PHC2: variants seen among roughly 807,000 people sequenced by gnomAD.
PHC2 encodes polyhomeotic homolog 2, also known as polyhomeotic-like protein 2.
PHC2 carries 29 observed loss-of-function variants against 87.4 expected under a neutral mutation model. That is an observed-to-expected ratio of 0.33 (90% confidence interval 0.25 to 0.45). PHC2 has a LOEUF of 0.45. PHC2 is among the 20% of genes least tolerant of loss of function. The pLI, the probability that PHC2 is intolerant of heterozygous loss-of-function variation, is 1.00. For synonymous variants in PHC2, 438 were observed against 461.7 expected (o/e 0.95, Z 0.66); for missense variants, 857 against 1,136.7 (o/e 0.75, Z 3.54).
chr1:33,325,684 C>T (rs1463366761), intron 14 of PHC2: 8 of 337,478 alleles, frequency 2.4e-5, no homozygotes, highest in South Asian at 8.9e-5. Context: ...CCGAGCCACT[C>T]GATTCCTGAC....
intron 1 of PHC2, among the ~76,000 whole-genome samples, chr1:33,412,793 T>C (rs1018172208): frequency 6.6e-6 from 1 of 152,208 alleles, no homozygotes; most frequent in African/African-American, 2.4e-5. Flanking sequence ...AGCATGGTTA[T>C]TGAAAAATTC....
At chr1:33,404,511 TTTC>T (rs1358157698) in intron 1 of PHC2, among the ~76,000 whole-genome samples, 1 of 152,234 alleles carries the variant, frequency 6.6e-6, no homozygotes, top group Non-Finnish European at 1.5e-5. Flanking sequence ...CTTTATGTAT[TTTC>T]TTGTCTCTTC....
chr1:33,377,872 A>C (rs1648265175), intron 1 of PHC2, among the ~76,000 whole-genome samples: 1 of 152,082 alleles, frequency 6.6e-6, no homozygotes, highest in Non-Finnish European at 1.5e-5. Context: ...GTGTGGGTAA[A>C]GTCTAAAAGA....
In PHC2 at chr1:33,355,095, C is replaced by G. The variant is rs767085287; in HGVS notation, c.1135G>C (p.Ala379Pro). 3 of 1,611,276 alleles carry G rather than the reference C, an allele frequency of 1.9e-6. No individual in the cohort carries two copies. Among genetic ancestry groups the G allele is most frequent in the Admixed American group, 1.7e-5 (1 of 59,600 alleles). The stretch of plus-strand genomic sequence containing the variant: ...AGGGCCACGCTTGGAGAGACTGAGG[C>G]GAGCTGGGGGTGGGGCTCAGCTTGG... ...VLQAEPHPQL[A>P]SVSPSVALQP... The change falls in exon 8 of 15, where the codon GCC becomes CCC. Residue 379 changes from alanine to proline, a missense_variant. Around this residue, in one of 3 missense-constraint regions of PHC2, gnomAD observed 832 missense variants for 1,081.8 expected, o/e 0.77. Transcript: ENST00000683057.
intron 1 of PHC2, among the ~76,000 whole-genome samples, chr1:33,405,042 A>C (rs1031777152): frequency 1.3e-5 from 2 of 152,206 alleles, no homozygotes; most frequent in African/African-American, 4.8e-5. Flanking sequence ...TACCCAGAGT[A>C]AGAAATTGGA....
intron 7 of PHC2, among the ~76,000 whole-genome samples, chr1:33,358,512 C>CA (rs377132873): frequency 1.1e-4 from 17 of 151,044 alleles, no homozygotes; most frequent in African/African-American, 2.2e-4. Context: ...TATCCTGGAT[C>CA]AAAAAAAAAT....
chr1:33,354,017 G>A (rs778836616), intron 9 of PHC2, among the ~76,000 whole-genome samples: 4 of 152,138 alleles, frequency 2.6e-5, no homozygotes, highest in Non-Finnish European at 5.9e-5. Flanking sequence ...TGTGGTAGCC[G>A]TTTTGCCATA....
chr1:33,332,020 A>G lies in PHC2; in HGVS notation c.1891+255T>C, dbSNP rs948170090. On this transcript the variant is annotated intron_variant, in intron 11 of 14. Transcript: ENST00000683057. The surrounding 1 kb of genome is among the most constrained non-coding windows in gnomAD (Gnocchi z 4.2). ...CTACAGTCATGCCTAAAACTTGCCA[A>G]TGATTCCCACAGGAAAAGCCATTCT... 1.3e-5 allele frequency among the ~76,000 whole-genome samples: 2 copies of G among 152,208 alleles called. No individual in the cohort carries two copies. The highest frequency in any genetic ancestry group is 4.8e-5 in the African/African-American group (2 of 41,458).
chr1:33,329,503 A>C (rs889106434), intron 13 of PHC2, among the ~76,000 whole-genome samples: 1 of 152,078 alleles, frequency 6.6e-6, no homozygotes, highest in Non-Finnish European at 1.5e-5. Flanking sequence ...AAAAAAAATA[A>C]GGCAAAATTA....
chr1:33,419,328 T>C (rs571638282), intron 1 of PHC2, among the ~76,000 whole-genome samples: 6 of 152,244 alleles, frequency 3.9e-5, no homozygotes, highest in Non-Finnish European at 8.8e-5. Flanking sequence ...ACAAACTTAG[T>C]GGCTTAAAAC....
chr1:33,350,807 T>C (rs183318107), intron 9 of PHC2, among the ~76,000 whole-genome samples: 5 of 152,334 alleles, frequency 3.3e-5, no homozygotes, highest in South Asian at 2.1e-4. Flanking sequence ...CTTTCTCCTC[T>C]ATTTTTCAAA....
intron 9 of PHC2, among the ~76,000 whole-genome samples, chr1:33,352,671 C>T (rs920644639): frequency 5.3e-5 from 8 of 152,138 alleles, no homozygotes; most frequent in South Asian, 2.1e-4. Context: ...AAGACGAAAC[C>T]TCAGAAACAA....
intron 1 of PHC2, among the ~76,000 whole-genome samples, chr1:33,376,006 T>C (rs549622925): frequency 6.6e-6 from 1 of 152,322 alleles, no homozygotes; most frequent in South Asian, 2.1e-4. Flanking sequence ...ACATCAGCTT[T>C]CCAGTCTGTG....
At chr1:33,422,002 T>C (rs1322688580) in intron 1 of PHC2, among the ~76,000 whole-genome samples, 1 of 152,234 alleles carries the variant, frequency 6.6e-6, no homozygotes, top group African/African-American at 2.4e-5. Flanking sequence ...TTTTGTGATT[T>C]GATGCCAGCC....
At chr1:33,345,596 G>A (rs1646831211) in intron 9 of PHC2, 11 of 979,612 alleles carry the variant, frequency 1.1e-5, no homozygotes, top group Non-Finnish European at 1.3e-5. Context: ...ATTATATGCT[G>A]TGTTCCTTAG....
intron 1 of PHC2, among the ~76,000 whole-genome samples, chr1:33,384,886 G>A (rs759681845): frequency 2.0e-5 from 3 of 152,194 alleles, no homozygotes; most frequent in Non-Finnish European, 2.9e-5. Flanking sequence ...AATGAGGAAT[G>A]AATAAAGCTT....
intron 4 of PHC2, 67 bp from the exon 5 acceptor site, chr1:33,370,652 A>G: frequency 6.9e-7 from 1 of 1,439,512 alleles, no homozygotes; most frequent in Non-Finnish European, 9.5e-7. Context: ...CCCCTCATCC[A>G]TTTCTTTCTC....
chr1:33,359,804 G>T (rs1195975338), intron 7 of PHC2, among the ~76,000 whole-genome samples: 1 of 152,140 alleles, frequency 6.6e-6, no homozygotes, highest in African/African-American at 2.4e-5. Context: ...AACAGCATTC[G>T]GGAAGACTCA....
At chr1:33,329,628 T>C (rs1183816929) in intron 13 of PHC2, among the ~76,000 whole-genome samples, 1 of 152,192 alleles carries the variant, frequency 6.6e-6, no homozygotes, top group African/African-American at 2.4e-5. Flanking sequence ...CTAAAAAATA[T>C]TTAATGACTG....
Sources: allele counts gnomAD v4.1 joint callset (sites outside exome capture counted in the v4.1 genomes callset), GRCh38; gene constraint gnomAD v4.1.1; regional missense constraint gnomAD v4.1.1; non-coding constraint Gnocchi (gnomAD v3.1); transcripts MANE v1.5; gene names NCBI Gene and HGNC (gene_info 2026-07-23, HGNC 2026-07-21).